Variants in SNTG2 observed in about 807,000 individuals in gnomAD.
The protein encoded by SNTG2 is gamma-2-syntrophin.
A neutral mutation model predicts 70.9 loss-of-function variants in SNTG2; 74 were observed. That is an observed-to-expected ratio of 1.04 (90% CI 0.86 to 1.27). The LOEUF (loss-of-function observed/expected upper bound fraction) is 1.27. SNTG2 is among the 50% of genes most tolerant of loss of function. The probability of loss-of-function intolerance (pLI) is 0.00; values close to 1 mark genes in which losing one functional copy is unlikely to be tolerated. For synonymous variants in SNTG2, 278 were observed against 273.8 expected (o/e 1.02, Z -0.15); for missense variants, 717 against 690.7 (o/e 1.04, Z -0.43).
At chr2:986,583 G>A (rs147882262) in intron 1 of SNTG2, among the ~76,000 whole-genome samples, 4 of 152,326 alleles carry the variant, frequency 2.6e-5, no homozygotes, top group African/African-American at 9.6e-5. Flanking sequence ...AGAAGGATCG[G>A]CATACCAGTG....
intron 4 of SNTG2, among the ~76,000 whole-genome samples, chr2:1,126,836 A>T (rs1667725396): frequency 6.6e-6 from 1 of 152,022 alleles, no homozygotes; most frequent in African/African-American, 2.4e-5. Flanking sequence ...TGCTGTCGAG[A>T]GATTTGAGTT....
intron 13 of SNTG2, among the ~76,000 whole-genome samples, chr2:1,261,797 A>G (rs1678427426): frequency 6.6e-6 from 1 of 152,072 alleles, no homozygotes; most frequent in Non-Finnish European, 1.5e-5. Context: ...CTCCCCACCT[A>G]AGGAGCACTC....
intron 1 of SNTG2, among the ~76,000 whole-genome samples, chr2:1,065,076 G>T (rs988834377): frequency 3.3e-5 from 5 of 152,146 alleles, no homozygotes; most frequent in Admixed American, 2.0e-4. Context: ...CACTCTGTCC[G>T]TTGGTTACAC....
chr2:1,021,084 C>G (rs189192705), intron 1 of SNTG2, among the ~76,000 whole-genome samples: 2 of 152,170 alleles, frequency 1.3e-5, no homozygotes, highest in Admixed American at 1.3e-4. Context: ...TCTTGAATCG[C>G]CAATTTTCAC....
intron 9 of SNTG2, among the ~76,000 whole-genome samples, chr2:1,219,462 C>T (rs1674609486): frequency 1.3e-5 from 2 of 152,150 alleles, no homozygotes; most frequent in Admixed American, 6.5e-5. Flanking sequence ...CAAAGATGAG[C>T]AATTAAACAG....
intron 9 of SNTG2, among the ~76,000 whole-genome samples, chr2:1,232,478 A>C (rs1433022991): frequency 6.6e-6 from 1 of 152,008 alleles, no homozygotes; most frequent in Non-Finnish European, 1.5e-5. Context: ...TTGTATTTTT[A>C]GTAGAGACGG....
chr2:1,320,967 G>A (rs1246644153), intron 16 of SNTG2, among the ~76,000 whole-genome samples: 1 of 152,166 alleles, frequency 6.6e-6, no homozygotes, highest in African/African-American at 2.4e-5. Flanking sequence ...CTTTAGTTTA[G>A]CTTTTTTATA....
chr2:1,140,300 G>A (rs28653233), intron 6 of SNTG2, among the ~76,000 whole-genome samples: 150,454 of 152,354 alleles, frequency 0.99, 74,316 homozygotes, highest in East Asian at 1. Context: ...CCCCTTTTTA[G>A]TACATCTATG....
At chr2:970,707 T>C (rs1486002490) in intron 1 of SNTG2, among the ~76,000 whole-genome samples, 1 of 149,360 alleles carries the variant, frequency 6.7e-6, no homozygotes, top group African/African-American at 2.5e-5. Context: ...TTTGCTATTG[T>C]GAATAATGCC....
At chr2:1,079,434 C>T (rs1369760392) in intron 1 of SNTG2, among the ~76,000 whole-genome samples, 1 of 151,972 alleles carries the variant, frequency 6.6e-6, no homozygotes, top group Non-Finnish European at 1.5e-5. Context: ...CGCCTAATTA[C>T]CTCTAATCTG....
chr2:1,154,929 C>T (rs1301022111), intron 6 of SNTG2, among the ~76,000 whole-genome samples: 1 of 142,952 alleles, frequency 7.0e-6, no homozygotes, highest in Non-Finnish European at 1.5e-5. Context: ...AACACAAAAA[C>T]ATACACACCA....
intron 1 of SNTG2, among the ~76,000 whole-genome samples, chr2:997,902 G>A (rs1036693161): frequency 6.6e-6 from 1 of 152,160 alleles, no homozygotes; most frequent in Non-Finnish European, 1.5e-5. Flanking sequence ...TACAAAACCT[G>A]TTGACACAAG....
At chr2:1,016,055 C>G (rs1404745741) in intron 1 of SNTG2, among the ~76,000 whole-genome samples, 1 of 152,060 alleles carries the variant, frequency 6.6e-6, no homozygotes, top group Non-Finnish European at 1.5e-5. Context: ...TGAAATATTA[C>G]ATTACTGTTA....
chr2:1,041,689 A>G (rs539679986), intron 1 of SNTG2, among the ~76,000 whole-genome samples: 3 of 152,180 alleles, frequency 2.0e-5, no homozygotes, highest in Non-Finnish European at 2.9e-5. Context: ...CTGTGAGTCA[A>G]AGCTCCTTGA....
intron 8 of SNTG2, among the ~76,000 whole-genome samples, chr2:1,193,414 C>T (rs1324508621): frequency 6.6e-6 from 1 of 152,268 alleles, no homozygotes; most frequent in Non-Finnish European, 1.5e-5. Context: ...CACTGATACC[C>T]GAGGACCTGC....
chr2:953,449 G>A (rs1660044253), intron 1 of SNTG2, among the ~76,000 whole-genome samples: 1 of 152,228 alleles, frequency 6.6e-6, no homozygotes. Flanking sequence ...GGGAAAGCAC[G>A]TTAGGTCATT....
At chr2:1,284,425 C>G (rs1679686903) in intron 14 of SNTG2, among the ~76,000 whole-genome samples, 1 of 152,162 alleles carries the variant, frequency 6.6e-6, no homozygotes, top group South Asian at 2.1e-4. Context: ...GGGATGCGAG[C>G]TCGGTGATGG....
Position 1,096,306 on chromosome 2 carries a change from A to C in SNTG2, c.211-1890A>C, listed in dbSNP as rs75815400. Reference sequence around the variant, plus strand: ...GCACACTACAAACAAGCTAATACATACATCACCTCTTACAGTTACCTTTGT... The same window carrying C: ...GCACACTACAAACAAGCTAATACATCCATCACCTCTTACAGTTACCTTTGT... On this transcript the variant is annotated intron_variant, in intron 2 of 16. Transcript: ENST00000308624. 8.9e-3 allele frequency among the ~76,000 whole-genome samples: 1,359 copies of C among 152,350 alleles called. 33 individuals carry two copies. Among genetic ancestry groups the C allele is most frequent in the African/African-American group, 0.031 (1,284 of 41,578 alleles).
At chr2:963,954 C>T (rs1660442311) in intron 1 of SNTG2, among the ~76,000 whole-genome samples, 4 of 151,950 alleles carry the variant, frequency 2.6e-5, no homozygotes, top group South Asian at 4.2e-4. Context: ...CCAAAGTGAC[C>T]GTGTCTCTCA....
Sources: gnomAD v4.1 joint callset for allele counts (sites outside exome capture counted in the v4.1 genomes callset) on GRCh38, gnomAD v4.1.1 for gene constraint, MANE v1.5 for transcripts, NCBI Gene and HGNC (gene_info 2026-07-23, HGNC 2026-07-21) for gene names.